DDX43: variants seen among roughly 807,000 people sequenced by gnomAD.
DDX43 encodes the protein probable ATP-dependent RNA helicase DDX43.
Under a neutral mutation model 84.9 loss-of-function variants are expected in DDX43, and 50 were observed. The ratio of observed to expected loss-of-function variants is 0.59; its 90% CI spans 0.47 to 0.75. The LOEUF (loss-of-function observed/expected upper bound fraction) is 0.75, where lower values mean the gene tolerates loss of function less well. Among genes scored for constraint, DDX43 ranks in the 30% least tolerant of loss-of-function variants. The probability of loss-of-function intolerance (pLI) is 0.00; values close to 1 mark genes in which losing one functional copy is unlikely to be tolerated. For synonymous variants in DDX43, 291 were observed against 266.3 expected (o/e 1.09, Z -0.90); for missense variants, 689 against 798.6 (o/e 0.86, Z 1.65).
chr6:73,396,650 CTAA>C (rs146227906), intron 1 of DDX43, among the ~76,000 whole-genome samples: 2,380 of 152,292 alleles, frequency 0.016, 55 homozygotes, highest in African/African-American at 0.055. Context: ...TATCACAATA[CTAA>C]TAATAAGCAC....
chr6:73,400,899 T>C (rs1261880428), intron 3 of DDX43, among the ~76,000 whole-genome samples: 1 of 152,226 alleles, frequency 6.6e-6, no homozygotes, highest in Non-Finnish European at 1.5e-5. Context: ...CATTGCCTTT[T>C]AGTGTTTCTT....
At position 73,416,127 on chromosome 6, in the gene DDX43, G is replaced by A. The variant is rs1375230037; in HGVS notation, c.1848G>A (p.Glu616=). ...LERANQSIPE[E]LVSMAERFKA... ...AATAATTTCAGAGTATTCCAGAGGA[G>A]CTTGTATCAATGGCTGAGAGGTTTA... The change falls in exon 16 of 17, where the codon GAG becomes GAA. Residue 616 remains glutamate, a synonymous_variant. Transcript: ENST00000370336. The A allele has an allele frequency of 7.8e-6, 12 of 1,544,570 alleles. No individual in the cohort carries two copies. In the South Asian group the frequency reaches 8.9e-5, roughly 12 times the overall value.
chr6:73,398,749 G>C lies in DDX43; in HGVS notation c.306+1005G>C, dbSNP rs552142415. 4.6e-5 allele frequency among the ~76,000 whole-genome samples: 7 copies of C among 152,228 alleles called. No individual in the cohort carries two copies. The South Asian group carries it at 1.5e-3, about 32-fold the overall frequency. On this transcript the variant is annotated intron_variant, in intron 2 of 16. Coordinates refer to ENST00000370336, the MANE Select transcript of DDX43 (RefSeq NM_018665.3). ...GTATTCTCAATCTTAGTGAATGGTA[G>C]CAACATTCACTGAGTTTACAAGTTT... is the stretch of plus-strand genomic sequence containing the variant.
chr6:73,415,664 T>G, intron 15 of DDX43, 80 bp downstream of exon 15: 1 of 1,011,992 alleles, frequency 9.9e-7, no homozygotes, highest in Non-Finnish European at 1.5e-6. Context: ...GCTTGCTATT[T>G]ATCAGGAAGC....
intron 11 of DDX43, among the ~76,000 whole-genome samples, chr6:73,412,678 C>T (rs62440596): frequency 0.086 from 6,520 of 75,726 alleles, 446 homozygotes; most frequent in East Asian, 0.23. Context: ...TGCGCGCGCG[C>T]GTGTGTGTGT....
chr6:73,406,683 T>C (rs1769690300), intron 7 of DDX43, among the ~76,000 whole-genome samples: 1 of 152,236 alleles, frequency 6.6e-6, no homozygotes, highest in Non-Finnish European at 1.5e-5. Flanking sequence ...AGGTAATATC[T>C]ACCAAAAGCC....
chr6:73,400,313 A>G lies in DDX43; in HGVS notation c.386A>G (p.Asp129Gly), dbSNP rs778716709. Residue 129 changes from aspartate (D) to glycine (G), a missense_variant, in exon 3 of 17, where the codon GAC becomes GGC. By Grantham distance (94) the Asp-to-Gly change is moderately conservative. Around this residue, in one of 2 missense-constraint regions of DDX43, gnomAD observed 552 missense variants for 692.7 expected, o/e 0.80. Coordinates refer to ENST00000370336, the MANE Select transcript of DDX43 (RefSeq NM_018665.3). ...AMQTKAKAVI[D>G]NFVKKLEENY... Reference sequence around the variant, plus strand: ...CAAACGAAAGCAAAAGCAGTGATAGACAATTTTGTTAAAAAGCTAGAAGAA... The same window carrying G: ...CAAACGAAAGCAAAAGCAGTGATAGGCAATTTTGTTAAAAAGCTAGAAGAA... 1.9e-6 allele frequency: 3 copies of G among 1,607,982 alleles called. No individual in the cohort carries two copies. In the African/African-American group the frequency reaches 4.0e-5, roughly 22 times the overall value.
chr6:73,395,293 A>G lies in DDX43; in HGVS notation c.250+138A>G. ...TCAGGTCTCTCCCAGAGCTATTTGT[A>G]AAACCTGGGGATAGAGTATAATTTA... On this transcript the variant is annotated intron_variant, in intron 1 of 16. Coordinates refer to ENST00000370336, the MANE Select transcript of DDX43 (RefSeq NM_018665.3). 7 of 1,122,030 alleles carry G rather than the reference A, an allele frequency of 6.2e-6. No individual in the cohort carries two copies. The South Asian group carries it at 9.8e-5, about 16-fold the overall frequency. 69.5% of individuals were successfully genotyped at this position (1,122,030 alleles called of 1,614,324 possible).
chr6:73,404,410 A>G (rs1769635188), intron 4 of DDX43, among the ~76,000 whole-genome samples: 1 of 151,866 alleles, frequency 6.6e-6, no homozygotes, highest in Admixed American at 6.6e-5. Flanking sequence ...TAATCTTTAA[A>G]AATTTTCCGT....
At chr6:73,402,858 C>G (rs146323505) in intron 4 of DDX43, among the ~76,000 whole-genome samples, 8 of 152,140 alleles carry the variant, frequency 5.3e-5, no homozygotes, top group Non-Finnish European at 1.2e-4. Context: ...GGATTACAGG[C>G]GTGAGCCACC....
intron 10 of DDX43, among the ~76,000 whole-genome samples, chr6:73,411,683 C>T (rs1353265858): frequency 1.3e-5 from 2 of 151,936 alleles, no homozygotes; most frequent in Non-Finnish European, 2.9e-5. Context: ...TCCTTTGGTT[C>T]ATAAAAACCT....
intron 10 of DDX43, among the ~76,000 whole-genome samples, chr6:73,410,604 G>A (rs1473443536): frequency 6.6e-6 from 1 of 152,040 alleles, no homozygotes; most frequent in Non-Finnish European, 1.5e-5. Context: ...GTTTTGTTTT[G>A]CGTTTTGAGA....
intron 9 of DDX43, among the ~76,000 whole-genome samples, chr6:73,408,643 G>T (rs1769724728): frequency 6.6e-6 from 1 of 151,378 alleles, no homozygotes; most frequent in Non-Finnish European, 1.5e-5. Flanking sequence ...TGCAACCTTC[G>T]CCTCCCAGGT....
At chr6:73,408,730 C>A (rs1252183309) in intron 9 of DDX43, among the ~76,000 whole-genome samples, 1 of 151,696 alleles carries the variant, frequency 6.6e-6, no homozygotes, top group Non-Finnish European at 1.5e-5. Flanking sequence ...CTAATTTTTT[C>A]TTTTTAGTAG....
chr6:73,416,221 C>A lies in DDX43; in HGVS notation c.1942C>A (p.His648Asn). ...ACCTCAAGGAAGGCCCAAGAAGTTT[C>A]ATTAATGTCTTCTGTACTAGTGGGG... The part of the protein sequence containing the change: ...ERPQGRPKKF[H>N] Residue 648 changes from histidine to asparagine, a missense_variant, in exon 16 of 17, where the codon CAT becomes AAT. Physicochemically the swap from His to Asn is moderately conservative, Grantham distance 68. Around this residue, in one of 2 missense-constraint regions of DDX43, gnomAD observed 552 missense variants for 692.7 expected, o/e 0.80. Coordinates refer to ENST00000370336, the MANE Select transcript of DDX43 (RefSeq NM_018665.3). The A allele has an allele frequency of 6.5e-7, 1 of 1,540,634 alleles. No individual in the cohort carries two copies. The highest frequency in any genetic ancestry group is 1.1e-5 in the South Asian group (1 of 89,244).
At chr6:73,411,125 G>A (rs1465308504) in intron 10 of DDX43, among the ~76,000 whole-genome samples, 3 of 128,430 alleles carry the variant, frequency 2.3e-5, no homozygotes, top group Non-Finnish European at 3.1e-5. Flanking sequence ...GCAGTGAGCC[G>A]AGATCACGCC....
intron 11 of DDX43, among the ~76,000 whole-genome samples, chr6:73,412,668 T>TGCGC (rs200406044): frequency 0.024 from 2,630 of 108,048 alleles, 100 homozygotes; most frequent in East Asian, 0.036. Flanking sequence ...TGTGTGTGTG[T>TGCGC]GCGCGCGCGC....
chr6:73,396,821 ATTGTCT>A (rs1452086786), intron 1 of DDX43, among the ~76,000 whole-genome samples: 9 of 152,146 alleles, frequency 5.9e-5, no homozygotes, highest in African/African-American at 1.9e-4. Flanking sequence ...TCATGCAGTA[ATTGTCT>A]TTGTAATTGG....
At chr6:73,404,543 G>A in intron 4 of DDX43, 147 bp from the exon 5 acceptor site, 1 of 636,366 alleles carries the variant, frequency 1.6e-6, no homozygotes, top group Non-Finnish European at 2.7e-6. Context: ...TCTCTTCGAT[G>A]GGAGCAAGCC....
Sources: gnomAD v4.1 joint callset for allele counts (sites outside exome capture counted in the v4.1 genomes callset) on GRCh38, gnomAD v4.1.1 for gene constraint, gnomAD v4.1.1 regional missense constraint, MANE v1.5 for transcripts, NCBI Gene and HGNC (gene_info 2026-07-23, HGNC 2026-07-21) for gene names.